The following RYR2 variants were observed in gnomAD, a reference collection of about 807,000 sequenced individuals.
The protein encoded by RYR2 is ryanodine receptor 2.
RYR2 carries 227 observed loss-of-function variants against 601.1 expected under a neutral mutation model. That is an observed-to-expected ratio of 0.38 (90% CI 0.34 to 0.42). RYR2 has a LOEUF of 0.42. Among genes scored for constraint, RYR2 ranks in the 10% least tolerant of loss-of-function variants. The pLI is 1.00. For missense variants in RYR2, 4,646 were observed against 6,156.5 expected (o/e 0.75, Z 8.21); for synonymous variants, 2,223 against 2,175.1 (o/e 1.02, Z -0.61).
intron 6 of RYR2, among the ~76,000 whole-genome samples, chr1:237,374,460 C>A (rs1324639411): frequency 2.0e-5 from 3 of 152,100 alleles, no homozygotes; most frequent in African/African-American, 7.2e-5. Context: ...GAGTTCAAGG[C>A]CAGCCTGGGC....
chr1:237,680,316 G>A, intron 61 of RYR2, 140 bp from the exon 62 acceptor site: 1 of 579,844 alleles, frequency 1.7e-6, no homozygotes, highest in Non-Finnish European at 3.0e-6. Context: ...TTTAAGAGAG[G>A]CATACTATGA....
chr1:237,075,217 T>C (rs1208655775), intron 1 of RYR2, among the ~76,000 whole-genome samples: 2 of 152,126 alleles, frequency 1.3e-5, no homozygotes, highest in Non-Finnish European at 2.9e-5. Flanking sequence ...TCTCTATGCT[T>C]AGAGGGGGAA....
At chr1:237,626,523 A>G (rs1198876255) in intron 40 of RYR2, among the ~76,000 whole-genome samples, 1 of 148,724 alleles carries the variant, frequency 6.7e-6, no homozygotes, top group African/African-American at 2.5e-5. Context: ...ATTTGAGTCA[A>G]GTTTTCTTTA....
chr1:237,095,974 A>C (rs1667465238), intron 1 of RYR2, among the ~76,000 whole-genome samples: 1 of 152,220 alleles, frequency 6.6e-6, no homozygotes, highest in Non-Finnish European at 1.5e-5. Flanking sequence ...CTACTAGAAT[A>C]GTTTTCATTT....
chr1:237,401,774 C>T (rs1022368475), intron 10 of RYR2, among the ~76,000 whole-genome samples: 1 of 152,098 alleles, frequency 6.6e-6, no homozygotes, highest in South Asian at 2.1e-4. Context: ...TGGATCAAAC[C>T]TCTACCCCTT....
chr1:237,125,501 C>T (rs568881762), intron 1 of RYR2, among the ~76,000 whole-genome samples: 35 of 150,946 alleles, frequency 2.3e-4, no homozygotes, highest in Admixed American at 4.6e-4. Context: ...GTTGAGTAAA[C>T]GCTTTAACAT....
rs374362261 is a variant in RYR2, at chr1:237,743,093, A to G, written c.11145+744A>G. The stretch of plus-strand genomic sequence containing the variant: ...TGTTTTGTTTTTTTAGAATTTTCAT[A>G]AAGAAATTAAGTGCAGGGAAATAGA... On this transcript the variant is annotated intron_variant, in intron 80 of 104. Transcript: ENST00000366574. 3.3e-5 allele frequency among the ~76,000 whole-genome samples: 5 copies of G among 152,208 alleles called. No individual in the cohort carries two copies. In the East Asian group the frequency reaches 5.8e-4, roughly 18 times the overall value.
chr1:237,505,603 A>G (rs1382311590), intron 22 of RYR2, among the ~76,000 whole-genome samples: 1 of 152,220 alleles, frequency 6.6e-6, no homozygotes, highest in Non-Finnish European at 1.5e-5. Context: ...TTTATAGGAA[A>G]AAAGATTTGG....
rs768147036 is a variant in RYR2 at position 237,614,396 on chromosome 1, C to G, written c.5268C>G (p.Ser1756=). 5.6e-6 allele frequency: 9 copies of G among 1,613,904 alleles called. No individual in the cohort carries two copies. Among genetic ancestry groups the G allele is most frequent in the Non-Finnish European group, 7.6e-6 (9 of 1,179,904 alleles). The change falls in exon 37 of 105, where the codon TCC becomes TCG. Residue 1756 remains serine (S), a synonymous_variant. Coordinates refer to ENST00000366574, the MANE Select transcript of RYR2 (RefSeq NM_001035.3). This position sits in a 1 kb window ranked among gnomAD's most constrained non-coding sequence, Gnocchi z 4.3. ...TTCCAGGGATCGGCCTCAGCACCTC[C>G]CTCAGGCCACGGATGCAGTTTTCCT... ...HGLPGIGLST[S]LRPRMQFSSP... is the part of the protein sequence containing the mutation.
chr1:237,194,337 C>T (rs1485329067), intron 1 of RYR2, among the ~76,000 whole-genome samples: 2 of 152,124 alleles, frequency 1.3e-5, no homozygotes, highest in Non-Finnish European at 2.9e-5. Context: ...TTAATGAATT[C>T]ATTATTTATA....
chr1:237,211,895 A>G (rs1158469891), intron 1 of RYR2, among the ~76,000 whole-genome samples: 2 of 152,194 alleles, frequency 1.3e-5, no homozygotes, highest in African/African-American at 4.8e-5. Flanking sequence ...TGTCACCTTT[A>G]TGGTGGGACA....
At chr1:237,054,908 C>CAAA (rs1344754723) in intron 1 of RYR2, among the ~76,000 whole-genome samples, 8 of 152,156 alleles carry the variant, frequency 5.3e-5, no homozygotes, top group Non-Finnish European at 1.0e-4. Flanking sequence ...TCCCCAGGGC[C>CAAA]ACTTTCCAGT....
Position 237,506,715 on chromosome 1 carries a change from G to A in RYR2, c.2619G>A (p.Val873=), listed in dbSNP as rs1191922871. ...TTTCTTTTTGTAAATTTTAGATCGT[G>A]TTGCCTCCTCATCTAGAAAGAATAA... ...TPIPVDTSQI[V]LPPHLERIRE... The change falls in exon 23 of 105, where the codon GTG becomes GTA. Residue 873 remains valine (V), a synonymous_variant. Coordinates refer to ENST00000366574, the MANE Select transcript of RYR2 (RefSeq NM_001035.3). The A allele has an allele frequency of 6.2e-7, 1 of 1,611,034 alleles. No homozygotes were observed. Among genetic ancestry groups the A allele is most frequent in the East Asian group, 2.2e-5 (1 of 44,834 alleles).
At chr1:237,103,849 G>C (rs1668386661) in intron 1 of RYR2, among the ~76,000 whole-genome samples, 1 of 152,160 alleles carries the variant, frequency 6.6e-6, no homozygotes, top group Non-Finnish European at 1.5e-5. Flanking sequence ...GATTACAGGC[G>C]TGAGCCACCG....
chr1:237,692,482 C>T (rs1687032384), intron 63 of RYR2, among the ~76,000 whole-genome samples: 1 of 152,156 alleles, frequency 6.6e-6, no homozygotes, highest in Non-Finnish European at 1.5e-5. Context: ...GGGTAGAAAG[C>T]ACGTTTCTTA....
At chr1:237,725,632 C>T (rs925239113) in intron 74 of RYR2, among the ~76,000 whole-genome samples, 2 of 152,096 alleles carry the variant, frequency 1.3e-5, no homozygotes, top group South Asian at 2.1e-4. Flanking sequence ...TTACAAGGTA[C>T]ATCTTTGTGT....
rs1678530819 is a variant in RYR2, at chr1:237,180,072, T to G, written c.49-90425T>G. ...TATATTGTTGATGGGAGACCCGACT[T>G]ACTGAGCCATGTCCGTGTCGTCCTG... On this transcript the variant is annotated intron_variant, in intron 1 of 104. Transcript: ENST00000366574. This position sits in a 1 kb window ranked among gnomAD's most constrained non-coding sequence, Gnocchi z 5.3. Among the ~76,000 whole-genome samples the G allele has an allele frequency of 6.6e-6, 1 of 152,044 alleles. No homozygotes were observed. The highest frequency in any genetic ancestry group is 2.4e-5 in the African/African-American group (1 of 41,302).
intron 80 of RYR2, among the ~76,000 whole-genome samples, chr1:237,743,200 A>G (rs1691767982): frequency 6.6e-6 from 1 of 152,168 alleles, no homozygotes; most frequent in South Asian, 2.1e-4. Flanking sequence ...GTAGCCAGCA[A>G]TGAGTCTTTA....
intron 7 of RYR2, among the ~76,000 whole-genome samples, chr1:237,376,252 A>G (rs1250925318): frequency 6.6e-6 from 1 of 152,214 alleles, no homozygotes; most frequent in African/African-American, 2.4e-5. Flanking sequence ...AAGTTAGACT[A>G]TGGTTTATGT....
Sources: allele counts gnomAD v4.1 joint callset (sites outside exome capture counted in the v4.1 genomes callset), GRCh38; gene constraint gnomAD v4.1.1; non-coding constraint Gnocchi (gnomAD v3.1); transcripts MANE v1.5; gene names NCBI Gene and HGNC (gene_info 2026-07-23, HGNC 2026-07-21).